POP1: variants seen among roughly 807,000 people sequenced by gnomAD.
POP1 encodes POP1 ribonuclease P/MRP subunit.
In POP1, 75 loss-of-function variants were observed where a neutral mutation model predicts 102.2. The ratio of observed to expected loss-of-function variants is 0.73; its 90% CI spans 0.61 to 0.89. POP1 has a LOEUF of 0.89. Among genes scored for constraint, POP1 ranks in the 40% least tolerant of loss-of-function variants. The pLI, the probability that POP1 is intolerant of heterozygous loss-of-function variation, is 0.00. For missense variants in POP1, 1,116 were observed against 1,267.4 expected (o/e 0.88, Z 1.81); for synonymous variants, 436 against 464.1 (o/e 0.94, Z 0.78).
intron 14 of POP1, among the ~76,000 whole-genome samples, chr8:98,152,669 C>T (rs557426724): frequency 6.6e-6 from 1 of 152,352 alleles, no homozygotes; most frequent in South Asian, 2.1e-4. Context: ...AAACAGACAG[C>T]AGGCCACATT....
chr8:98,141,048 G>A lies in POP1; in HGVS notation c.1594+160G>A, dbSNP rs561024547. ...ACTTTACAAGCTGATTATGATCTAA[G>A]GAAATGGTAGGTGTGGAAGTGTCTT... On this transcript the variant is annotated intron_variant, in intron 11 of 15. Coordinates refer to ENST00000401707, the MANE Select transcript of POP1 (RefSeq NM_001145860.2). Among the ~76,000 whole-genome samples, 3 of 152,150 alleles carry A rather than the reference G, an allele frequency of 2.0e-5. No homozygotes were observed. In the East Asian group the frequency reaches 5.8e-4, roughly 29 times the overall value.
rs752801192 is a variant in POP1 at position 98,127,705 on chromosome 8, G to T, written c.253G>T (p.Gly85Ter). Residue 85 changes from glycine to a stop codon, truncating the protein, a stop_gained, in exon 3 of 16, where the codon GGA (glycine) becomes TGA (stop). Coordinates refer to ENST00000401707, the MANE Select transcript of POP1 (RefSeq NM_001145860.2). LOFTEE classifies it high-confidence loss of function. Reference sequence around the variant, plus strand: ...CTCCAAAGGGATGTTTAGAAAAAAGGGAGGATGGAAAGCAGGTCCCGAGGG... The same window carrying T: ...CTCCAAAGGGATGTTTAGAAAAAAGTGAGGATGGAAAGCAGGTCCCGAGGG... ...SSSKGMFRKK[G>*]GWKAGPEGTS... The T allele has an allele frequency of 2.5e-6, 4 of 1,613,972 alleles. No individual in the cohort carries two copies. Among genetic ancestry groups the T allele is most frequent in the Admixed American group, 1.7e-5 (1 of 59,990 alleles).
intron 7 of POP1, among the ~76,000 whole-genome samples, chr8:98,135,004 A>T (rs945924464): frequency 2.0e-5 from 3 of 152,156 alleles, no homozygotes; most frequent in African/African-American, 7.2e-5. Flanking sequence ...AGGGCGGGGC[A>T]TGGTTTCTCA....
chr8:98,138,183 T>C (rs1816603470), intron 9 of POP1, among the ~76,000 whole-genome samples: 1 of 152,228 alleles, frequency 6.6e-6, no homozygotes, highest in African/African-American at 2.4e-5. Flanking sequence ...GATTTTTTGA[T>C]AATTTATTCC....
chr8:98,122,193 C>T (rs1816049619), intron 1 of POP1, among the ~76,000 whole-genome samples: 1 of 151,894 alleles, frequency 6.6e-6, no homozygotes, highest in Non-Finnish European at 1.5e-5. Flanking sequence ...CAAGTTTGTA[C>T]TTTTTTTGGC....
intron 14 of POP1, among the ~76,000 whole-genome samples, chr8:98,153,385 G>A (rs553690474): frequency 6.6e-6 from 1 of 152,206 alleles, no homozygotes; most frequent in African/African-American, 2.4e-5. Flanking sequence ...AGAAGGGGGG[G>A]ATTCAGGGCA....
chr8:98,136,200 C>A (rs1816535320), intron 7 of POP1, among the ~76,000 whole-genome samples: 1 of 151,878 alleles, frequency 6.6e-6, no homozygotes, highest in Non-Finnish European at 1.5e-5. Flanking sequence ...CCTGCCTTAG[C>A]CTCCTGAGTA....
At chr8:98,119,582 CTT>C (rs950577406) in intron 1 of POP1, among the ~76,000 whole-genome samples, 6 of 149,620 alleles carry the variant, frequency 4.0e-5, no homozygotes, top group East Asian at 1.9e-4. Context: ...CTTCTGGAAA[CTT>C]TTTTTTTTGA....
intron 15 of POP1, 75 bp from the exon 16 acceptor site, chr8:98,157,542 A>G (rs1809681947): frequency 1.3e-6 from 2 of 1,494,394 alleles, no homozygotes; most frequent in Non-Finnish European, 1.9e-6. Flanking sequence ...TAATTCTAGC[A>G]GTGTCTAATC....
In POP1 at chr8:98,156,395, T is replaced by G. The variant is rs1586254754; in HGVS notation, c.2403T>G (p.Ser801Arg). 6.2e-7 allele frequency: 1 copy of G among 1,613,560 alleles called. No homozygotes were observed. The highest frequency in any genetic ancestry group is 8.5e-7 in the Non-Finnish European group (1 of 1,179,942). The change falls in exon 15 of 16, where the codon AGT becomes AGG. Residue 801 changes from serine (S) to arginine (R), a missense_variant. Physicochemically the swap from Ser to Arg is moderately radical, Grantham distance 110. Coordinates refer to ENST00000401707, the MANE Select transcript of POP1 (RefSeq NM_001145860.2). Reference protein sequence around the residue: ...ASENHVAATGSHLCVLRSRKL... With the variant: ...ASENHVAATGRHLCVLRSRKL... ...AAAACCATGTTGCTGCCACAGGGAG[T>G]CACCTCTGCGTTCTCAGGTAAGTGT...
At chr8:98,144,157 T>TAA (rs146187108) in intron 11 of POP1, among the ~76,000 whole-genome samples, 3 of 151,204 alleles carry the variant, frequency 2.0e-5, no homozygotes, top group Non-Finnish European at 4.4e-5. Flanking sequence ...AGACTCCATC[T>TAA]AAAAAAAAAC....
intron 5 of POP1, among the ~76,000 whole-genome samples, chr8:98,132,117 A>G (rs1323595733): frequency 1.3e-5 from 2 of 152,244 alleles, no homozygotes. Context: ...TAATAAAACT[A>G]ATAGCTAATA....
Position 98,134,683 on chromosome 8 carries a change from C to T in POP1, c.1011+24C>T, listed in dbSNP as rs767425152. 1.1e-4 allele frequency: 171 copies of T among 1,581,320 alleles called. 1 individual carries two copies. Among genetic ancestry groups the T allele is most frequent in the South Asian group, 8.5e-4 (77 of 90,396 alleles). On this transcript the variant is annotated intron_variant, in intron 7 of 15. Coordinates refer to ENST00000401707, the MANE Select transcript of POP1 (RefSeq NM_001145860.2). The stretch of plus-strand genomic sequence containing the variant: ...AGGTATAATCCTTCAGGTTATCTCC[C>T]GTCATTCTGAAACTGCATTTTTAAT...
rs766912740 is a variant in POP1, at chr8:98,140,117, A to T, written c.1402A>T (p.Ile468Leu). ...AGAGGAGACACCTCACCGCTGGTGGATAGAAACCTGTAAGAAACCTGACAG... is the reference window on the plus strand; with the variant it reads ...AGAGGAGACACCTCACCGCTGGTGGTTAGAAACCTGTAAGAAACCTGACAG... ...DTEETPHRWW[I>L]ETCKKPDSVS... Residue 468 changes from isoleucine (I) to leucine (L), a missense_variant, in exon 10 of 16, where the codon ATA (isoleucine) becomes TTA (leucine). By Grantham distance (5) the Ile-to-Leu change is conservative. Transcript: ENST00000401707. 7.4e-6 allele frequency: 12 copies of T among 1,614,058 alleles called. No individual in the cohort carries two copies.
chr8:98,156,194 GGA>G lies in POP1; in HGVS notation c.2206_2207del (p.Ser736Ter). The G allele has an allele frequency of 6.2e-7, 1 of 1,614,056 alleles. No individual in the cohort carries two copies. The highest frequency in any genetic ancestry group is 8.5e-7 in the Non-Finnish European group (1 of 1,180,016). On this transcript the variant is annotated frameshift_variant, in exon 15 of 16. Transcript: ENST00000401707. LOFTEE classifies it high-confidence loss of function. Reference protein sequence around the residue: ...PSVASSPNGKESDLRRSEVPC... With the variant: ...PSVASSPNGKXSDLRRSEVPC... The stretch of plus-strand genomic sequence containing the variant: ...CTGTAGCTTCATCTCCAAATGGTAA[GGA>G]GAGTGACCTAAGAAGATCTGAGGTG...
intron 4 of POP1, among the ~76,000 whole-genome samples, chr8:98,128,914 C>T (rs529925539): frequency 6.6e-6 from 1 of 152,006 alleles, no homozygotes; most frequent in South Asian, 2.1e-4. Context: ...ACAGTGAGAC[C>T]TTGTCTAAAA....
chr8:98,136,450 AT>A (rs768932202), intron 7 of POP1, 31 bp from the exon 8 acceptor site: 1 of 1,578,328 alleles, frequency 6.3e-7, no homozygotes, highest in Non-Finnish European at 8.6e-7. Flanking sequence ...AAATTTCAAG[AT>A]TTTAAAGTGA....
At position 98,128,552 on chromosome 8, in the gene POP1, A is replaced by G; in HGVS notation, c.486+12A>G. On this transcript the variant is annotated intron_variant, in intron 4 of 15. Coordinates refer to ENST00000401707, the MANE Select transcript of POP1 (RefSeq NM_001145860.2). ...TTGCCCAGAAAGAGGTAGGAGTTCC[A>G]CTTAGTGTAAATGTTTAGATTAGTA... 1 of 1,613,168 alleles carries G rather than the reference A, an allele frequency of 6.2e-7. No homozygotes were observed. The highest frequency in any genetic ancestry group is 8.5e-7 in the Non-Finnish European group (1 of 1,179,228).
chr8:98,140,367 A>G (rs985730870), intron 10 of POP1, among the ~76,000 whole-genome samples, 178 bp downstream of exon 10: 1 of 152,236 alleles, frequency 6.6e-6, no homozygotes, highest in African/African-American at 2.4e-5. Context: ...ATGCCTGGTT[A>G]TGAAACAACA....
Sources: allele counts gnomAD v4.1 joint callset (sites outside exome capture counted in the v4.1 genomes callset), GRCh38; gene constraint gnomAD v4.1.1; transcripts MANE v1.5; gene names NCBI Gene and HGNC (gene_info 2026-07-23, HGNC 2026-07-21).